Variants in SNX29 observed in about 807,000 individuals in gnomAD.
The protein encoded by SNX29 is sorting nexin-29.
Under a neutral mutation model 102.1 loss-of-function variants are expected in SNX29, and 78 were observed. That is an observed-to-expected ratio of 0.76 (90% CI 0.64 to 0.92). The LOEUF (loss-of-function observed/expected upper bound fraction) is 0.92, where lower values mean the gene tolerates loss of function less well. Ranked by LOEUF, SNX29 falls within the 40% of genes least tolerant of loss-of-function variation. The pLI is 0.00. For missense variants in SNX29, 1,280 were observed against 1,061.7 expected (o/e 1.21, Z -2.86); for synonymous variants, 580 against 414.5 (o/e 1.40, Z -4.85).
chr16:12,014,154 T>TCC (rs1567526763), intron 3 of SNX29, among the ~76,000 whole-genome samples: 47 of 152,224 alleles, frequency 3.1e-4, no homozygotes, highest in African/African-American at 1.1e-3. Flanking sequence ...TCTCAGGCTG[T>TCC]GGACTTTGAC....
chr16:12,242,947 C>T (rs143290474), intron 14 of SNX29, among the ~76,000 whole-genome samples: 36 of 152,272 alleles, frequency 2.4e-4, no homozygotes, highest in Admixed American at 1.0e-3. Flanking sequence ...CATACCCAAC[C>T]ATTCCCCACC....
rs151195418 is a variant in SNX29 at position 12,167,930 on chromosome 16, G to T, written c.1596-31671G>T. Among the ~76,000 whole-genome samples the T allele has an allele frequency of 1.5e-4, 23 of 152,296 alleles. No individual in the cohort carries two copies. The East Asian group carries it at 3.7e-3, about 24-fold the overall frequency. On this transcript the variant is annotated intron_variant, in intron 13 of 20. Coordinates refer to ENST00000566228, the MANE Select transcript of SNX29 (RefSeq NM_032167.5). ...GAGTAGTTACAAAGGAGACTGCGTG[G>T]CTCACAGGCCTGACCCTTTACCAAA...
chr16:12,133,281 GTTTTTTTTTTTTTTT>G (rs57733463), intron 13 of SNX29, among the ~76,000 whole-genome samples: 1 of 66,866 alleles, frequency 1.5e-5, no homozygotes, highest in Non-Finnish European at 2.7e-5. Flanking sequence ...CTTAGTGTGG[GTTTTTTTTTTTTTTT>G]TTTTTTTTTT....
In SNX29 at chr16:12,572,899, C is replaced by T. The variant is rs528852539; in HGVS notation, c.*4270C>T. The T allele has an allele frequency of 3.4e-5, 35 of 1,027,184 alleles. No individual in the cohort carries two copies. The highest frequency in any genetic ancestry group is 2.8e-4 in the African/African-American group (17 of 60,296). The allele number at this position is 1,027,184 out of a possible 1,614,324, so 63.6% of individuals were successfully genotyped here. ...CTTGACTCTGCCTTGGCATTTCGCT[C>T]GGAATCACGGCAGACTTGGAGTGTT... On this transcript the variant is annotated 3_prime_UTR_variant, in exon 21 of 21. Coordinates refer to ENST00000566228, the MANE Select transcript of SNX29 (RefSeq NM_032167.5).
At chr16:12,369,140 CT>C (rs373599269) in intron 16 of SNX29, among the ~76,000 whole-genome samples, 8,858 of 145,744 alleles carry the variant, frequency 0.061, 417 homozygotes, top group African/African-American at 0.13. Flanking sequence ...ATGTTCATAT[CT>C]TTTTTTTTTT....
intron 13 of SNX29, among the ~76,000 whole-genome samples, chr16:12,164,519 T>C (rs2055926457): frequency 6.6e-6 from 1 of 152,136 alleles, no homozygotes; most frequent in Non-Finnish European, 1.5e-5. Context: ...TTTACAAGTA[T>C]GTACTTTTTT....
intron 15 of SNX29, among the ~76,000 whole-genome samples, chr16:12,346,544 C>T (rs2081813534): frequency 6.6e-6 from 1 of 152,140 alleles, no homozygotes; most frequent in African/African-American, 2.4e-5. Context: ...GGCGTTCGCA[C>T]CACGCCGCAC....
chr16:12,203,180 T>C (rs2076957288), intron 14 of SNX29, among the ~76,000 whole-genome samples: 1 of 151,736 alleles, frequency 6.6e-6, no homozygotes, highest in African/African-American at 2.4e-5. Context: ...GGTGGACTGG[T>C]GGCGTTGGAG....
chr16:12,026,510 G>T (rs1216977963), intron 3 of SNX29, among the ~76,000 whole-genome samples: 2 of 152,186 alleles, frequency 1.3e-5, no homozygotes, highest in East Asian at 1.9e-4. Context: ...ACCCAGTTGG[G>T]CAGAGGCTCA....
At chr16:11,982,108 T>A (rs1454388691) in intron 1 of SNX29, among the ~76,000 whole-genome samples, 1 of 151,030 alleles carries the variant, frequency 6.6e-6, no homozygotes, top group Non-Finnish European at 1.5e-5. Flanking sequence ...AATTAAAACA[T>A]ACTGAAGACA....
At chr16:12,353,258 C>A (rs2082039772) in intron 15 of SNX29, among the ~76,000 whole-genome samples, 1 of 152,218 alleles carries the variant, frequency 6.6e-6, no homozygotes, top group African/African-American at 2.4e-5. Context: ...GCATTTCTAT[C>A]TCCTTGGTGT....
chr16:12,416,407 G>T (rs1358307538), intron 18 of SNX29, among the ~76,000 whole-genome samples: 1 of 152,214 alleles, frequency 6.6e-6, no homozygotes, highest in Non-Finnish European at 1.5e-5. Flanking sequence ...AAAATAGCTG[G>T]AAGAGAGGGT....
At chr16:12,564,543 C>T (rs9939198) in intron 20 of SNX29, among the ~76,000 whole-genome samples, 24 of 152,128 alleles carry the variant, frequency 1.6e-4, no homozygotes, top group South Asian at 6.2e-4. Flanking sequence ...GGAGTTAAGG[C>T]CTTTGGCAAC....
intron 13 of SNX29, among the ~76,000 whole-genome samples, chr16:12,176,761 G>A (rs1293866695): frequency 6.6e-6 from 1 of 152,136 alleles, no homozygotes; most frequent in East Asian, 1.9e-4. Context: ...TGTTGTTTTA[G>A]TGTGAATTGT....
intron 1 of SNX29, among the ~76,000 whole-genome samples, chr16:11,982,941 A>AT (rs1240023498): frequency 1.3e-5 from 2 of 151,470 alleles, no homozygotes; most frequent in Non-Finnish European, 2.9e-5. Context: ...ATTAACGAAT[A>AT]TTTTTTTGAG....
chr16:12,029,487 A>G (rs1455620638), intron 4 of SNX29: 1 of 452,342 alleles, frequency 2.2e-6, no homozygotes, highest in Non-Finnish European at 4.4e-6. Flanking sequence ...CCAGTACAGA[A>G]TACAGTATGG....
chr16:12,086,788 T>C (rs898466823), intron 11 of SNX29: 3 of 152,156 alleles, frequency 2.0e-5, no homozygotes, highest in African/African-American at 7.2e-5. Context: ...TTTAAAAAAC[T>C]TAATTTGCGG....
At chr16:12,172,310 G>A (rs2076166819) in intron 13 of SNX29, among the ~76,000 whole-genome samples, 1 of 152,328 alleles carries the variant, frequency 6.6e-6, no homozygotes, top group Non-Finnish European at 1.5e-5. Context: ...GAGGGAAAAG[G>A]TGGAGACAGG....
At chr16:12,396,469 C>T (rs991214216) in intron 16 of SNX29, among the ~76,000 whole-genome samples, 3 of 152,164 alleles carry the variant, frequency 2.0e-5, no homozygotes, top group Non-Finnish European at 4.4e-5. Flanking sequence ...TGTGAGTCCC[C>T]CTCTGGTCTG....
Sources: gnomAD v4.1 joint callset for allele counts (sites outside exome capture counted in the v4.1 genomes callset) on GRCh38, gnomAD v4.1.1 for gene constraint, MANE v1.5 for transcripts, NCBI Gene and HGNC (gene_info 2026-07-23, HGNC 2026-07-21) for gene names.